FHIT: variants seen among roughly 807,000 people sequenced by gnomAD.
The protein encoded by FHIT is bis(5'-adenosyl)-triphosphatase.
In FHIT, 19 loss-of-function variants were observed where a neutral mutation model predicts 17.9. That is an observed-to-expected ratio of 1.06 (90% CI 0.74 to 1.56). FHIT has a LOEUF of 1.56. Ranked by LOEUF, FHIT falls within the 40% of genes most tolerant of loss-of-function variation. FHIT has a pLI of 0.00. For synonymous variants in FHIT, 81 were observed against 69.7 expected, an observed-to-expected ratio of 1.16 and a Z score of -0.81; for missense variants, 248 against 189.2, an observed-to-expected ratio of 1.31 and a Z score of -1.82.
intron 5 of FHIT, among the ~76,000 whole-genome samples, chr3:60,133,471 T>C (rs1175304775): frequency 1.3e-5 from 2 of 152,174 alleles, no homozygotes; most frequent in African/African-American, 4.8e-5. Flanking sequence ...GGGAGAGATC[T>C]GCAAAGGGTA....
chr3:60,904,417 G>A (rs782811039), intron 3 of FHIT, among the ~76,000 whole-genome samples: 1 of 150,724 alleles, frequency 6.6e-6, no homozygotes, highest in Non-Finnish European at 1.5e-5. Flanking sequence ...GAGAAAACAT[G>A]AGAGAATTTC....
chr3:59,823,465 C>A (rs559255027), intron 8 of FHIT, among the ~76,000 whole-genome samples: 2 of 152,186 alleles, frequency 1.3e-5, no homozygotes, highest in East Asian at 3.9e-4. Context: ...TACTTGCTAA[C>A]TGAATCCAAC....
At chr3:61,241,501 C>T (rs1223134231) in intron 1 of FHIT, among the ~76,000 whole-genome samples, 1 of 152,196 alleles carries the variant, frequency 6.6e-6, no homozygotes, top group Non-Finnish European at 1.5e-5. Flanking sequence ...CCACATTCCA[C>T]AGACTTCAGT....
chr3:60,235,643 T>G (rs1704744198), intron 5 of FHIT, among the ~76,000 whole-genome samples: 1 of 152,164 alleles, frequency 6.6e-6, no homozygotes, highest in Non-Finnish European at 1.5e-5. Flanking sequence ...GCAACATCAT[T>G]GACAGTCTAC....
At position 60,573,453 on chromosome 3, in the gene FHIT, GGA is replaced by G. The variant is rs146136442; in HGVS notation, c.-17-36476_-17-36475del. 3.7e-3 allele frequency among the ~76,000 whole-genome samples: 571 copies of G among 152,294 alleles called. 8 individuals carry two copies. Among genetic ancestry groups the G allele is most frequent in the African/African-American group, 0.012 (514 of 41,568 alleles). On this transcript the variant is annotated intron_variant, in intron 4 of 9. Coordinates refer to ENST00000492590, the MANE Select transcript of FHIT (RefSeq NM_002012.4). The stretch of plus-strand genomic sequence containing the variant: ...CTAAAAACTGTAGTGGGTATAGAAA[GGA>G]GAGTCTCAAGTGCTGTGAAAATCTT...
At chr3:60,950,101 T>C (rs553956824) in intron 3 of FHIT, among the ~76,000 whole-genome samples, 7 of 152,214 alleles carry the variant, frequency 4.6e-5, no homozygotes, top group Non-Finnish European at 7.3e-5. Context: ...TGTTTAGATA[T>C]GCAACTACTT....
intron 2 of FHIT, among the ~76,000 whole-genome samples, chr3:61,184,270 C>G (rs747615476): frequency 1.3e-5 from 2 of 152,080 alleles, no homozygotes; most frequent in Admixed American, 6.5e-5. Flanking sequence ...TGGCTATACA[C>G]AGACAGTGCC....
intron 2 of FHIT, among the ~76,000 whole-genome samples, chr3:61,123,240 C>G (rs1576056449): frequency 6.6e-6 from 1 of 152,112 alleles, no homozygotes. Context: ...TCTCAGCAAA[C>G]TAACACAGGA....
intron 5 of FHIT, among the ~76,000 whole-genome samples, chr3:60,152,210 T>A (rs1700496754): frequency 6.6e-6 from 1 of 151,050 alleles, no homozygotes; most frequent in Admixed American, 6.6e-5. Context: ...TATTTAAAAG[T>A]TTGCCTGCAA....
At chr3:60,756,658 GAC>G (rs1447231195) in intron 4 of FHIT, among the ~76,000 whole-genome samples, 1 of 152,194 alleles carries the variant, frequency 6.6e-6, no homozygotes, top group Non-Finnish European at 1.5e-5. Flanking sequence ...GAAAGTGAAA[GAC>G]ACAGAGGAAA....
At chr3:61,246,899 ACTCAGG>A (rs2040499914) in intron 1 of FHIT, among the ~76,000 whole-genome samples, 1 of 152,058 alleles carries the variant, frequency 6.6e-6, no homozygotes, top group Admixed American at 6.5e-5. Flanking sequence ...CATATCTATT[ACTCAGG>A]CTCACCTCTG....
intron 2 of FHIT, among the ~76,000 whole-genome samples, chr3:61,179,135 A>G (rs1169131258): frequency 6.7e-6 from 1 of 148,934 alleles, no homozygotes; most frequent in Non-Finnish European, 1.5e-5. Flanking sequence ...TCAGCCTCCC[A>G]AGTAGCTGGG....
At chr3:61,113,583 C>A (rs1330800043) in intron 2 of FHIT, among the ~76,000 whole-genome samples, 1 of 152,116 alleles carries the variant, frequency 6.6e-6, no homozygotes, top group Non-Finnish European at 1.5e-5. Flanking sequence ...GAAAGCCCCC[C>A]ACACCTGGGT....
At chr3:61,035,398 C>T (rs1005175876) in intron 3 of FHIT, among the ~76,000 whole-genome samples, 1 of 151,886 alleles carries the variant, frequency 6.6e-6, no homozygotes, top group African/African-American at 2.4e-5. Flanking sequence ...ATTTCTAGTC[C>T]TCACTTCTCC....
chr3:60,879,494 A>T (rs1704854662), intron 3 of FHIT, among the ~76,000 whole-genome samples: 1 of 152,228 alleles, frequency 6.6e-6, no homozygotes. Context: ...TTGATGTAGA[A>T]ACACAAGAAA....
chr3:60,906,332 G>T (rs1706415024), intron 3 of FHIT, among the ~76,000 whole-genome samples: 2 of 152,144 alleles, frequency 1.3e-5, no homozygotes, highest in Non-Finnish European at 2.9e-5. Flanking sequence ...ATGAGGGAAA[G>T]TGCGGAAGAA....
In FHIT at chr3:60,347,302, T is replaced by G. The variant is rs572930206; in HGVS notation, c.103+189558A>C. ...GAATACAATGATGTGTTTCATAGGTTCATTAAAATAATATTTCAAAGGAGT... is the reference window on the plus strand; with the variant it reads ...GAATACAATGATGTGTTTCATAGGTGCATTAAAATAATATTTCAAAGGAGT... On this transcript the variant is annotated intron_variant, in intron 5 of 9. Coordinates refer to ENST00000492590, the MANE Select transcript of FHIT (RefSeq NM_002012.4). Among the ~76,000 whole-genome samples the G allele has an allele frequency of 7.2e-5, 11 of 152,298 alleles. No homozygotes were observed. The South Asian group carries it at 2.3e-3, about 32-fold the overall frequency.
At chr3:59,789,199 AG>A (rs1232140701) in intron 8 of FHIT, among the ~76,000 whole-genome samples, 1 of 152,158 alleles carries the variant, frequency 6.6e-6, no homozygotes, top group African/African-American at 2.4e-5. Flanking sequence ...AAGCCCAGAT[AG>A]TAGGGGCATT....
chr3:60,602,339 G>T (rs2107714968), intron 4 of FHIT, among the ~76,000 whole-genome samples: 1 of 152,228 alleles, frequency 6.6e-6, no homozygotes, highest in African/African-American at 2.4e-5. Context: ...ACTTTCTACA[G>T]CAACAGCCAA....
Sources: allele counts gnomAD v4.1 joint callset (sites outside exome capture counted in the v4.1 genomes callset), GRCh38; gene constraint gnomAD v4.1.1; transcripts MANE v1.5; gene names NCBI Gene and HGNC (gene_info 2026-07-23, HGNC 2026-07-21).